PLEKHM2: variants seen among roughly 807,000 people sequenced by gnomAD.
PLEKHM2 encodes pleckstrin homology domain-containing family M member 2.
A neutral mutation model predicts 116.3 loss-of-function variants in PLEKHM2; 77 were observed. That is an observed-to-expected ratio of 0.66 (90% confidence interval 0.55 to 0.80). The LOEUF is 0.80. Ranked by LOEUF, PLEKHM2 falls within the 30% of genes least tolerant of loss-of-function variation. The pLI is 0.00. For synonymous variants in PLEKHM2, 562 were observed against 571.0 expected, an observed-to-expected ratio of 0.98 and a Z score of 0.22; for missense variants, 1,183 against 1,354.9, an observed-to-expected ratio of 0.87 and a Z score of 1.99.
At chr1:15,715,171 AAGAAG>A (rs1641419930) in intron 1 of PLEKHM2, among the ~76,000 whole-genome samples, 4 of 143,840 alleles carry the variant, frequency 2.8e-5, no homozygotes, top group African/African-American at 8.3e-5. Context: ...GAAGGCTGGC[AAGAAG>A]GCTGGTGGGG....
rs1335599320 is a variant in PLEKHM2, at chr1:15,729,331, A to C, written c.2075+141A>C. 6 of 724,116 alleles carry C rather than the reference A, an allele frequency of 8.3e-6. No homozygotes were observed. The highest frequency in any genetic ancestry group is 1.2e-5 in the Non-Finnish European group (5 of 410,324). 44.9% of individuals were successfully genotyped at this position (724,116 alleles called of 1,614,324 possible). A position where few individuals can be genotyped will look rare whatever the true frequency, so the allele number is the denominator to read the frequency against. On this transcript the variant is annotated intron_variant, in intron 13 of 19. Coordinates refer to ENST00000375799, the MANE Select transcript of PLEKHM2 (RefSeq NM_015164.4). The surrounding 1 kb of genome is among the most constrained non-coding windows in gnomAD (Gnocchi z 4.7). ...CAGATGTATTCCCTCTGGAACCTGC[A>C]TCTGCTCAGAGAGGCAGGCAAGTAG...
rs939394495 is a variant in PLEKHM2 at position 15,718,620 on chromosome 1, G to C, written c.460G>C (p.Asp154His). 7.5e-6 allele frequency: 10 copies of C among 1,329,422 alleles called. No individual in the cohort carries two copies. The highest frequency in any genetic ancestry group is 9.0e-6 in the Non-Finnish European group (9 of 1,003,944). 82.4% of individuals were successfully genotyped at this position (1,329,422 alleles called of 1,614,324 possible). A position where few individuals can be genotyped will look rare whatever the true frequency, so the allele number is the denominator to read the frequency against. The change falls in exon 5 of 20, where the codon GAT (aspartate) becomes CAT (histidine). Residue 154 changes from aspartate (D) to histidine (H), a missense_variant. By Grantham distance (81) the Asp-to-His change is moderately conservative. Coordinates refer to ENST00000375799, the MANE Select transcript of PLEKHM2 (RefSeq NM_015164.4). ...SGLEFIRFEL[D>H]LDAPYLDLAP... ...GCTAGAGTTCATTCGTTTCGAGCTG[G>C]ATCTGGTGAGACACCAGGGCTCTCA...
intron 1 of PLEKHM2, among the ~76,000 whole-genome samples, chr1:15,704,129 T>A (rs1320286304): frequency 1.3e-5 from 2 of 152,180 alleles, no homozygotes; most frequent in East Asian, 1.9e-4. Context: ...CCATGGAGCA[T>A]ACTGGCCCAC....
chr1:15,696,821 T>C (rs1293256664), intron 1 of PLEKHM2, among the ~76,000 whole-genome samples: 1 of 152,216 alleles, frequency 6.6e-6, no homozygotes, highest in Non-Finnish European at 1.5e-5. Flanking sequence ...TCCTCCCTAA[T>C]GTCCTTTACT....
At chr1:15,732,975 C>G (rs1056651753) in intron 19 of PLEKHM2, among the ~76,000 whole-genome samples, 1 of 152,220 alleles carries the variant, frequency 6.6e-6, no homozygotes, top group Non-Finnish European at 1.5e-5. Context: ...GCTGGGAGCC[C>G]GAGGCCCTCA....
chr1:15,716,148 ATTT>A, intron 1 of PLEKHM2, 86 bp from the exon 2 acceptor site: 1 of 820,034 alleles, frequency 1.2e-6, no homozygotes, highest in Non-Finnish European at 2.0e-6. Context: ...CATTTGACTA[ATTT>A]TTTTTAGCTA....
intron 1 of PLEKHM2, among the ~76,000 whole-genome samples, chr1:15,690,030 A>G (rs1470580113): frequency 6.7e-6 from 1 of 150,252 alleles, no homozygotes. Context: ...TGCTGGGATT[A>G]CAGGTGTGAG....
At chr1:15,682,503 C>T (rs1169104208), upstream of PLEKHM2, among the ~76,000 whole-genome samples, 2 of 151,764 alleles carry the variant, frequency 1.3e-5, no homozygotes, top group Non-Finnish European at 2.9e-5. Context: ...CTTGTAGTCC[C>T]AGCTACTCGG....
In PLEKHM2 at chr1:15,727,391, G is replaced by A. The variant is rs868688387; in HGVS notation, c.1319G>A (p.Gly440Asp). 6.2e-7 allele frequency: 1 copy of A among 1,602,676 alleles called. No individual in the cohort carries two copies. The highest frequency in any genetic ancestry group is 8.5e-7 in the Non-Finnish European group (1 of 1,175,294). The change falls in exon 9 of 20, where the codon GGC becomes GAC. Residue 440 changes from glycine to aspartate, a missense_variant. By Grantham distance (94) the Gly-to-Asp change is moderately conservative (BLOSUM62 -1). Transcript: ENST00000375799. The surrounding 1 kb of genome is among the most constrained non-coding windows in gnomAD (Gnocchi z 7.5). ...CCCCCAGACCAGTCCTTTCGGACCG[G>A]CTCTCCCGGGGATGCCCCGGAGAGG... ...AEPPDQSFRT[G>D]SPGDAPERPP...
At chr1:15,698,214 A>T (rs1045350197) in intron 1 of PLEKHM2, among the ~76,000 whole-genome samples, 9 of 151,346 alleles carry the variant, frequency 5.9e-5, no homozygotes, top group Non-Finnish European at 1.3e-4. Context: ...TTTATTTTTT[A>T]TTTTTTATTT....
intron 1 of PLEKHM2, among the ~76,000 whole-genome samples, chr1:15,712,186 G>T: frequency 6.6e-6 from 1 of 152,010 alleles, no homozygotes; most frequent in Non-Finnish European, 1.5e-5. Flanking sequence ...GGAAGATTGG[G>T]CAAAGGCTGT....
Position 15,725,303 on chromosome 1 carries a change from C to T in PLEKHM2, c.713-14C>T, listed in dbSNP as rs1480662366. ...GTGCCTGACAGGGTGTCTCCTGCTT[C>T]CTTGTCCTCCCAGATGGAGACCTCA... On this transcript the variant is annotated splice_polypyrimidine_tract_variant and intron_variant, in intron 7 of 19. Transcript: ENST00000375799. The T allele has an allele frequency of 2.5e-5, 39 of 1,541,412 alleles. No individual in the cohort carries two copies. In the East Asian group the frequency reaches 9.3e-4, roughly 37 times the overall value.
Position 15,727,448 on chromosome 1 carries a change from C to T in PLEKHM2, c.1376C>T (p.Ser459Leu). ...CTTTGCGACTTTAGTGAGGGGCTTTCAGCCCCAATGGACTTCTACCGCTTT... is the reference window on the plus strand; with the variant it reads ...CTTTGCGACTTTAGTGAGGGGCTTTTAGCCCCAATGGACTTCTACCGCTTT... ...PPLCDFSEGL[S>L]APMDFYRFTV... The change falls in exon 9 of 20, where the codon TCA (serine) becomes TTA (leucine). Residue 459 changes from serine to leucine, a missense_variant. Transcript: ENST00000375799. The surrounding 1 kb of genome is among the most constrained non-coding windows in gnomAD (Gnocchi z 7.5). The T allele has an allele frequency of 6.2e-7, 1 of 1,605,534 alleles. No homozygotes were observed. Among genetic ancestry groups the T allele is most frequent in the South Asian group, 1.1e-5 (1 of 89,894 alleles).
At chr1:15,683,283 C>T (rs1379313691), upstream of PLEKHM2, among the ~76,000 whole-genome samples, 5 of 149,232 alleles carry the variant, frequency 3.4e-5, no homozygotes, top group East Asian at 4.0e-4. Context: ...CTCCAGGCTG[C>T]GAAAGCCAGG....
At chr1:15,726,571 G>A (rs79660202) in intron 8 of PLEKHM2, among the ~76,000 whole-genome samples, 4,096 of 152,276 alleles carry the variant, frequency 0.027, 181 homozygotes, top group African/African-American at 0.09. Context: ...CCCAGAAAGC[G>A]CTGAGTGCTT....
chr1:15,693,077 G>A (rs1212886120), intron 1 of PLEKHM2, among the ~76,000 whole-genome samples: 1 of 138,844 alleles, frequency 7.2e-6, no homozygotes, highest in African/African-American at 2.7e-5. Flanking sequence ...GTCTCTCTCC[G>A]TTGCCCAGGC....
chr1:15,730,509 C>T lies in PLEKHM2; in HGVS notation c.2209-23C>T, dbSNP rs377389095. 2.4e-4 allele frequency: 368 copies of T among 1,517,888 alleles called. 1 individual carries two copies. In the African/African-American group the frequency reaches 4.3e-3, roughly 18 times the overall value. The allele number at this position is 1,517,888 out of a possible 1,614,324, so 94.0% of individuals were successfully genotyped here. ...TGGCCCAGGCCTTACTTGCTTTGTC[C>T]CCCGTGCCCGCCCCCGCATCAGGCA... On this transcript the variant is annotated intron_variant, in intron 14 of 19. Transcript: ENST00000375799.
intron 1 of PLEKHM2, among the ~76,000 whole-genome samples, chr1:15,705,772 TCA>T (rs1343840613): frequency 6.6e-6 from 1 of 152,100 alleles, no homozygotes; most frequent in Non-Finnish European, 1.5e-5. Flanking sequence ...CCCTGGCCTT[TCA>T]CAGTCTGTCT....
rs1361325232 is a variant in PLEKHM2, at chr1:15,727,476, C to T, written c.1404C>T (p.Thr468=). 9 of 1,599,196 alleles carry T rather than the reference C, an allele frequency of 5.6e-6. No homozygotes were observed. Among genetic ancestry groups the T allele is most frequent in the African/African-American group, 4.0e-5 (3 of 74,596 alleles). ...LSAPMDFYRF[T]VESPSTVTSG... The stretch of plus-strand genomic sequence containing the variant: ...CCCCAATGGACTTCTACCGCTTTAC[C>T]GTCGAGAGTCCAAGCACTGTTACAT... The change falls in exon 9 of 20, where the codon ACC becomes ACT. Residue 468 remains threonine (T), a synonymous_variant. Transcript: ENST00000375799. The surrounding 1 kb of genome is among the most constrained non-coding windows in gnomAD (Gnocchi z 7.5).
Sources: gnomAD v4.1 joint callset for allele counts (sites outside exome capture counted in the v4.1 genomes callset) on GRCh38, gnomAD v4.1.1 for gene constraint, Gnocchi (gnomAD v3.1) non-coding constraint, MANE v1.5 for transcripts, NCBI Gene and HGNC (gene_info 2026-07-23, HGNC 2026-07-21) for gene names.